P2RX1: variants seen among roughly 807,000 people sequenced by gnomAD.
P2RX1 encodes the protein purinergic receptor P2X 1, also known as P2X purinoceptor 1.
A neutral mutation model predicts 50.3 loss-of-function variants in P2RX1; 42 were observed. The observed-to-expected ratio is 0.83, with a 90% CI of 0.65 to 1.08. The LOEUF is 1.08. Among genes scored for constraint, P2RX1 ranks in the 50% least tolerant of loss-of-function variants. P2RX1 has a pLI of 0.00. For missense variants in P2RX1, 449 were observed against 529.0 expected, an observed-to-expected ratio of 0.85 and a Z score of 1.48; for synonymous variants, 199 against 202.6, an observed-to-expected ratio of 0.98 and a Z score of 0.15.
chr17:3,913,872 T>A (rs1047801862), intron 1 of P2RX1, among the ~76,000 whole-genome samples: 2 of 151,192 alleles, frequency 1.3e-5, no homozygotes, highest in Admixed American at 6.6e-5. Context: ...GGGGGGGTGG[T>A]CCCCTGCAAC....
At chr17:3,912,816 A>G (rs2056387783) in intron 1 of P2RX1, among the ~76,000 whole-genome samples, 3 of 151,984 alleles carry the variant, frequency 2.0e-5, no homozygotes, top group Non-Finnish European at 2.9e-5. Context: ...TCCCCCCAAT[A>G]ATTTCTATCC....
Position 3,911,927 on chromosome 17 carries a change from G to A in P2RX1, c.137+4162C>T, listed in dbSNP as rs114044563. On this transcript the variant is annotated intron_variant, in intron 1 of 11. Coordinates refer to ENST00000225538, the MANE Select transcript of P2RX1 (RefSeq NM_002558.4). ...GATTGATTGGTTCTGGGGTGGGCAC[G>A]GGACCCGACCCCGGCCAATAAGAAT... Among the ~76,000 whole-genome samples, 547 of 152,298 alleles carry A rather than the reference G, an allele frequency of 3.6e-3. 2 individuals carry two copies. Among genetic ancestry groups the A allele is most frequent in the African/African-American group, 0.012 (515 of 41,564 alleles).
intron 4 of P2RX1, 151 bp from the exon 5 acceptor site, chr17:3,904,175 G>A (rs551492594): frequency 7.9e-6 from 8 of 1,014,490 alleles, no homozygotes; most frequent in Admixed American, 5.7e-5. Context: ...GCCAAGCCAG[G>A]GCGGAGGAGG....
chr17:3,901,268 CG>C (rs2056137402), intron 7 of P2RX1, among the ~76,000 whole-genome samples: 1 of 152,180 alleles, frequency 6.6e-6, no homozygotes, highest in Non-Finnish European at 1.5e-5. Flanking sequence ...GGGGTTTCAC[CG>C]TGTTAGCCAG....
At position 3,903,339 on chromosome 17, in the gene P2RX1, TGC is replaced by T; in HGVS notation, c.608_609del (p.Arg203GlnfsTer45). The T allele has an allele frequency of 1.2e-6, 2 of 1,614,066 alleles. No homozygotes were observed. The highest frequency in any genetic ancestry group is 1.7e-6 in the Non-Finnish European group (2 of 1,179,996). Reference protein sequence around the residue: ...ISFPRFKVNRRNLVEEVNAAH... With the variant: ...ISFPRFKVNRXNLVEEVNAAH... ...GCAGCATTCACCTCCTCCACCAGGT[TGC>T]GCCTGTGGGGGTGGAAGGTGTTGAC... On this transcript the variant is annotated frameshift_variant and splice_region_variant, in exon 7 of 12. Transcript: ENST00000225538. LOFTEE classifies it high-confidence loss of function. The surrounding 1 kb of genome is among the most constrained non-coding windows in gnomAD (Gnocchi z 4.6).
Position 3,903,422 on chromosome 17 carries a change from C to T in P2RX1, c.606-79G>A. ...ACCACGCCCCAAAGCCTGGGGACCC[C>T]TCACAGGCTCCACATTGCCCCTTTG... On this transcript the variant is annotated intron_variant, in intron 6 of 11. Transcript: ENST00000225538. The surrounding 1 kb of genome is among the most constrained non-coding windows in gnomAD (Gnocchi z 4.6). The T allele has an allele frequency of 1.3e-6, 2 of 1,594,008 alleles. No individual in the cohort carries two copies. The highest frequency in any genetic ancestry group is 1.1e-5 in the South Asian group (1 of 90,202).
At chr17:3,904,742 C>T (rs1372249638) in intron 3 of P2RX1, 116 bp downstream of exon 3, 4 of 803,616 alleles carry the variant, frequency 5.0e-6, no homozygotes, top group Non-Finnish European at 8.4e-6. Flanking sequence ...ATTTCCATCA[C>T]TATGGCCCCT....
chr17:3,913,861 G>GA (rs538003207), intron 1 of P2RX1, among the ~76,000 whole-genome samples: 7 of 34,720 alleles, frequency 2.0e-4, no homozygotes, highest in East Asian at 4.7e-3. Flanking sequence ...GTGCACTCTT[G>GA]GGGGGGGTGG....
Position 3,905,217 on chromosome 17 carries a change from C to T in P2RX1, c.285+3G>A, listed in dbSNP as rs1393632026. The T allele has an allele frequency of 1.9e-6, 3 of 1,612,322 alleles. No homozygotes were observed. The highest frequency in any genetic ancestry group is 2.2e-5 in the East Asian group (1 of 44,886). On this transcript the variant is annotated splice_donor_region_variant and intron_variant, in intron 2 of 11. Coordinates refer to ENST00000225538, the MANE Select transcript of P2RX1 (RefSeq NM_002558.4). Reference sequence around the variant, plus strand: ...GGGAAGGTGCAAACCTGAGCCAGCTCACCTGGGCTGGGAAGACGTAGTCAG... The same window carrying T: ...GGGAAGGTGCAAACCTGAGCCAGCTTACCTGGGCTGGGAAGACGTAGTCAG...
rs1311022924 is a variant in P2RX1, at chr17:3,897,548, G to C, written c.*266C>G. On this transcript the variant is annotated 3_prime_UTR_variant, in exon 12 of 12. Coordinates refer to ENST00000225538, the MANE Select transcript of P2RX1 (RefSeq NM_002558.4). ...CACGAAGCTAGGGTGCAGGTGTGTG[G>C]GAGGGTCCTGCCCAGCCCCAGCCAT... 1.4e-5 allele frequency: 8 copies of C among 573,596 alleles called. No homozygotes were observed. The East Asian group carries it at 2.4e-4, about 17-fold the overall frequency. The allele number at this position is 573,596 out of a possible 1,614,324, so 35.5% of individuals were successfully genotyped here. A position where few individuals can be genotyped will look rare whatever the true frequency, so the allele number is the denominator to read the frequency against.
chr17:3,904,904 G>T lies in P2RX1; in HGVS notation c.311C>A (p.Thr104Asn), dbSNP rs367966441. Residue 104 changes from threonine (T) to asparagine (N), a missense_variant, in exon 3 of 12, where the codon ACC (threonine) becomes AAC (asparagine). Coordinates refer to ENST00000225538, the MANE Select transcript of P2RX1 (RefSeq NM_002558.4). Reference protein sequence around the residue: ...AQGDNSFVVMTNFIVTPKQTQ... With the variant: ...AQGDNSFVVMNNFIVTPKQTQ... ...CTGCTTCGGGGTCACGATGAAATTG[G>T]TCATGACCACGAAGGAGTTGTCCCC... is the stretch of plus-strand genomic sequence containing the variant. 3 of 1,432,572 alleles carry T rather than the reference G, an allele frequency of 2.1e-6. No individual in the cohort carries two copies. The highest frequency in any genetic ancestry group is 2.8e-6 in the Non-Finnish European group (3 of 1,069,384). 88.7% of individuals were successfully genotyped at this position (1,432,572 alleles called of 1,614,324 possible).
intron 3 of P2RX1, 121 bp downstream of exon 3, chr17:3,904,737 C>T (rs886611127): frequency 9.1e-6 from 7 of 768,884 alleles, no homozygotes; most frequent in East Asian, 8.1e-5. Context: ...CCCAAATTTC[C>T]ATCACTATGG....
intron 1 of P2RX1, among the ~76,000 whole-genome samples, chr17:3,907,184 C>T (rs934992977): frequency 6.6e-5 from 10 of 152,216 alleles, no homozygotes; most frequent in African/African-American, 2.2e-4. Flanking sequence ...TAAGCCAGTT[C>T]GGATTTGGTT....
chr17:3,905,720 G>T (rs1232236557), intron 1 of P2RX1, among the ~76,000 whole-genome samples: 1 of 152,014 alleles, frequency 6.6e-6, no homozygotes, highest in Non-Finnish European at 1.5e-5. Context: ...GGTGGTGGGT[G>T]CCTGTAATCC....
Position 3,903,347 on chromosome 17 carries a change from T to A in P2RX1, c.606-4A>T, listed in dbSNP as rs2056189164. On this transcript the variant is annotated splice_region_variant and splice_polypyrimidine_tract_variant and intron_variant, in intron 6 of 11. Coordinates refer to ENST00000225538, the MANE Select transcript of P2RX1 (RefSeq NM_002558.4). This position sits in a 1 kb window ranked among gnomAD's most constrained non-coding sequence, Gnocchi z 4.6. ...CACCTCCTCCACCAGGTTGCGCCTG[T>A]GGGGGTGGAAGGTGTTGACAGCTGC... 2 of 1,613,970 alleles carry A rather than the reference T, an allele frequency of 1.2e-6. No homozygotes were observed. The highest frequency in any genetic ancestry group is 1.7e-6 in the Non-Finnish European group (2 of 1,179,980).
Position 3,897,857 on chromosome 17 carries a change from G to T in P2RX1, c.1157C>A (p.Thr386Asn). 1 of 1,613,816 alleles carries T rather than the reference G, an allele frequency of 6.2e-7. No individual in the cohort carries two copies. The highest frequency in any genetic ancestry group is 1.3e-5 in the African/African-American group (1 of 75,012). Reference sequence around the variant, plus strand: ...CTCCTGCAGGCCCAGGGTGGAGCTGGTAGCTGCGAGGTCACGCTCAGCCTG... The same window carrying T: ...CTCCTGCAGGCCCAGGGTGGAGCTGTTAGCTGCGAGGTCACGCTCAGCCTG... ...PGAAERDLAA[T>N]SSTLGLQENM... Residue 386 changes from threonine to asparagine, a missense_variant, in exon 12 of 12, where the codon ACC (threonine) becomes AAC (asparagine). Thr to Asn is a moderately conservative substitution (Grantham distance 65). Transcript: ENST00000225538.
rs544331228 is a variant in P2RX1 at position 3,915,906 on chromosome 17, C to T, written c.137+183G>A. Reference sequence around the variant, plus strand: ...CCCCGGGCAGGGCTTCCCCTCCGGCCTCGTCCCCATCTCAACAGCGAGTTG... The same window carrying T: ...CCCCGGGCAGGGCTTCCCCTCCGGCTTCGTCCCCATCTCAACAGCGAGTTG... On this transcript the variant is annotated intron_variant, in intron 1 of 11. Transcript: ENST00000225538. The T allele has an allele frequency of 3.3e-5, 26 of 789,340 alleles. No individual in the cohort carries two copies. In the East Asian group the frequency reaches 3.8e-4, roughly 11 times the overall value. The allele number at this position is 789,340 out of a possible 1,614,324, so 48.9% of individuals were successfully genotyped here. A position where few individuals can be genotyped will look rare whatever the true frequency, so the allele number is the denominator to read the frequency against.
intron 4 of P2RX1, 139 bp downstream of exon 4, chr17:3,904,191 C>A (rs374953058): frequency 9.9e-7 from 1 of 1,009,840 alleles, no homozygotes; most frequent in Non-Finnish European, 1.5e-6. Flanking sequence ...GGAGGGGAGA[C>A]GGCAGGAGGG....
At chr17:3,907,378 C>A (rs1304946586) in intron 1 of P2RX1, among the ~76,000 whole-genome samples, 1 of 149,496 alleles carries the variant, frequency 6.7e-6, no homozygotes, top group Non-Finnish European at 1.5e-5. Flanking sequence ...TCTGTGAGTG[C>A]ACCTGTGGCC....
Sources: gnomAD v4.1 joint callset for allele counts (sites outside exome capture counted in the v4.1 genomes callset) on GRCh38, gnomAD v4.1.1 for gene constraint, Gnocchi (gnomAD v3.1) non-coding constraint, MANE v1.5 for transcripts, NCBI Gene and HGNC (gene_info 2026-07-23, HGNC 2026-07-21) for gene names.